WWC1: variants seen among roughly 807,000 people sequenced by gnomAD.
WWC1 encodes protein KIBRA.
In WWC1, 55 loss-of-function variants were observed where a neutral mutation model predicts 138.4. The ratio of observed to expected loss-of-function variants is 0.40; its 90% confidence interval spans 0.32 to 0.50. WWC1 has a LOEUF of 0.50. WWC1 is among the 20% of genes least tolerant of loss of function. The pLI is 0.72. For missense variants in WWC1, 1,226 were observed against 1,420.4 expected, an observed-to-expected ratio of 0.86 and a Z score of 2.20; for synonymous variants, 524 against 564.9, an observed-to-expected ratio of 0.93 and a Z score of 1.03.
chr5:168,395,331 G>A (rs1190220021), intron 3 of WWC1, among the ~76,000 whole-genome samples: 1 of 152,162 alleles, frequency 6.6e-6, no homozygotes, highest in African/African-American at 2.4e-5. Context: ...CCTTGAGGAC[G>A]TTTCTGTGTG....
At chr5:168,352,133 T>G (rs1194775929) in intron 1 of WWC1, among the ~76,000 whole-genome samples, 1 of 152,182 alleles carries the variant, frequency 6.6e-6, no homozygotes, top group African/African-American at 2.4e-5. Flanking sequence ...TCAATTAACA[T>G]TAACACGCAC....
At chr5:168,349,808 A>G (rs1011582126) in intron 1 of WWC1, among the ~76,000 whole-genome samples, 2 of 152,156 alleles carry the variant, frequency 1.3e-5, no homozygotes, top group African/African-American at 4.8e-5. Flanking sequence ...TTTTTGGAAG[A>G]ATTGGTCTGG....
At chr5:168,329,154 G>A (rs1772823614) in intron 1 of WWC1, among the ~76,000 whole-genome samples, 1 of 152,168 alleles carries the variant, frequency 6.6e-6, no homozygotes, top group Admixed American at 6.5e-5. Flanking sequence ...AGTCCTATCG[G>A]AGAGCTTCCA....
At chr5:168,332,664 C>G (rs1773132219) in intron 1 of WWC1, among the ~76,000 whole-genome samples, 1 of 151,820 alleles carries the variant, frequency 6.6e-6, no homozygotes, top group African/African-American at 2.4e-5. Context: ...TTTCTTGTTA[C>G]TTGTATTTGT....
chr5:168,296,726 C>G lies in WWC1; in HGVS notation c.119+4455C>G, dbSNP rs186092142. Among the ~76,000 whole-genome samples the G allele has an allele frequency of 1.3e-3, 193 of 152,330 alleles. 1 individual carries two copies. Among genetic ancestry groups the G allele is most frequent in the African/African-American group, 4.4e-3 (184 of 41,580 alleles). On this transcript the variant is annotated intron_variant, in intron 1 of 22. Coordinates refer to ENST00000265293, the MANE Select transcript of WWC1 (RefSeq NM_015238.3). ...TAGGTACAATTATTACCCACCTGAA[C>G]TACCCAATGCTCAGGGAGGCTTGGT...
Position 168,409,907 on chromosome 5 carries a change from G to A in WWC1, c.868-15G>A, listed in dbSNP as rs929925092. On this transcript the variant is annotated splice_polypyrimidine_tract_variant and intron_variant, in intron 7 of 22. Transcript: ENST00000265293. Reference sequence around the variant, plus strand: ...CAACAGCCACATAATTCCTGACTTTGTTCTTCTCCTCCAGTTCGGCATCAA... The same window carrying A: ...CAACAGCCACATAATTCCTGACTTTATTCTTCTCCTCCAGTTCGGCATCAA... 5.6e-6 allele frequency: 9 copies of A among 1,613,868 alleles called. No homozygotes were observed. Among genetic ancestry groups the A allele is most frequent in the Non-Finnish European group, 6.8e-6 (8 of 1,179,840 alleles).
At chr5:168,370,601 AC>A (rs1268637370) in intron 1 of WWC1, among the ~76,000 whole-genome samples, 1 of 152,218 alleles carries the variant, frequency 6.6e-6, no homozygotes, top group African/African-American at 2.4e-5. Flanking sequence ...TGGAGGGGCC[AC>A]CCAGGCTGAA....
chr5:168,400,613 T>C (rs539907821), intron 5 of WWC1, among the ~76,000 whole-genome samples: 13 of 152,290 alleles, frequency 8.5e-5, no homozygotes, highest in Admixed American at 4.6e-4. Context: ...CCCCATTTTA[T>C]AGATGAGAAA....
At chr5:168,316,138 G>A (rs1771570939) in intron 1 of WWC1, among the ~76,000 whole-genome samples, 2 of 152,124 alleles carry the variant, frequency 1.3e-5, no homozygotes, top group Non-Finnish European at 2.9e-5. Context: ...TTCCCCCTCA[G>A]CGTTTCTCAG....
chr5:168,396,768 C>A (rs1333585231), intron 3 of WWC1, among the ~76,000 whole-genome samples: 5 of 151,978 alleles, frequency 3.3e-5, no homozygotes, highest in Non-Finnish European at 5.9e-5. Context: ...CCTTAAAATC[C>A]TTTTTCAAGA....
At chr5:168,421,544 C>T (rs929551711) in intron 9 of WWC1, among the ~76,000 whole-genome samples, 12 of 152,332 alleles carry the variant, frequency 7.9e-5, no homozygotes, top group African/African-American at 2.6e-4. Flanking sequence ...TGTGCTCACT[C>T]ACTACTTTAT....
chr5:168,460,079 C>T (rs1756677011), intron 19 of WWC1, among the ~76,000 whole-genome samples: 1 of 152,152 alleles, frequency 6.6e-6, no homozygotes. Flanking sequence ...ACGATCTGCC[C>T]CATCATCTCT....
intron 15 of WWC1, among the ~76,000 whole-genome samples, chr5:168,436,633 C>T (rs1782370336): frequency 6.6e-6 from 1 of 152,294 alleles, no homozygotes; most frequent in Non-Finnish European, 1.5e-5. Context: ...CCTGTGTCTC[C>T]GCTGTCTCAG....
intron 15 of WWC1, among the ~76,000 whole-genome samples, chr5:168,440,495 G>T (rs1407616565): frequency 6.7e-6 from 1 of 150,040 alleles, no homozygotes; most frequent in East Asian, 1.9e-4. Context: ...GCAGGGTTTT[G>T]TTGTTGTTGT....
intron 1 of WWC1, among the ~76,000 whole-genome samples, chr5:168,321,120 A>G (rs1772036553): frequency 6.6e-6 from 1 of 152,142 alleles, no homozygotes; most frequent in African/African-American, 2.4e-5. Context: ...TTGGGCCTCC[A>G]TACAGTGCCG....
intron 1 of WWC1, among the ~76,000 whole-genome samples, chr5:168,307,297 A>G (rs1561588974): frequency 6.6e-6 from 1 of 152,210 alleles, no homozygotes; most frequent in Non-Finnish European, 1.5e-5. Flanking sequence ...GTTCTTTACC[A>G]TCACGTAGGT....
chr5:168,368,643 A>G (rs529312791), intron 1 of WWC1, among the ~76,000 whole-genome samples: 14 of 152,280 alleles, frequency 9.2e-5, no homozygotes, highest in Non-Finnish European at 1.6e-4. Context: ...GTCACTCCCC[A>G]TGGAAGGCAT....
chr5:168,382,605 C>T (rs920428610), intron 2 of WWC1, among the ~76,000 whole-genome samples: 2 of 152,150 alleles, frequency 1.3e-5, no homozygotes, highest in Non-Finnish European at 1.5e-5. Context: ...GATTCCTGAA[C>T]GCCAAGGGAA....
chr5:168,423,592 G>C lies in WWC1; in HGVS notation c.1334G>C (p.Ser445Thr). 6.2e-7 allele frequency: 1 copy of C among 1,614,086 alleles called. No homozygotes were observed. Among genetic ancestry groups the C allele is most frequent in the Non-Finnish European group, 8.5e-7 (1 of 1,180,000 alleles). ...AGCAGCCCCGGATCCCTCACGTCCA[G>C]CCGGGGCTCCCTGGTTGCATCCAGC... Reference protein sequence around the residue: ...SGSSPGSLTSSRGSLVASSLD... With the variant: ...SGSSPGSLTSTRGSLVASSLD... The change falls in exon 11 of 23, where the codon AGC becomes ACC. Residue 445 changes from serine (S) to threonine (T), a missense_variant. Ser to Thr is a moderately conservative substitution (Grantham distance 58). Coordinates refer to ENST00000265293, the MANE Select transcript of WWC1 (RefSeq NM_015238.3).
Sources: gnomAD v4.1 joint callset for allele counts (sites outside exome capture counted in the v4.1 genomes callset) on GRCh38, gnomAD v4.1.1 for gene constraint, MANE v1.5 for transcripts, NCBI Gene and HGNC (gene_info 2026-07-23, HGNC 2026-07-21) for gene names.